CDKN2B-AS1: variants seen among roughly 807,000 people sequenced by gnomAD.
CDKN2B-AS1 encodes the protein CDKN2B antisense RNA 1 (non-protein coding).
At chr9:22,094,533 C>G (rs1432321220) in intron 4 of CDKN2B-AS1, among the ~76,000 whole-genome samples, 1 of 143,918 alleles carries the variant, frequency 6.9e-6, no homozygotes, top group Non-Finnish European at 1.5e-5. Context: ...ATTCTTTTTC[C>G]TCTAAACTTC....
At chr9:22,068,221 T>A (rs930875206) in intron 4 of CDKN2B-AS1, among the ~76,000 whole-genome samples, 2 of 152,168 alleles carry the variant, frequency 1.3e-5, no homozygotes, top group African/African-American at 4.8e-5. Context: ...CATACATACA[T>A]CTTTGTTCAC....
chr9:22,002,155 C>G (rs1369690244), intron 1 of CDKN2B-AS1, among the ~76,000 whole-genome samples: 3 of 151,980 alleles, frequency 2.0e-5, no homozygotes, highest in African/African-American at 7.2e-5. Context: ...TCTGTTAATA[C>G]TGAAAATCTA....
intron 4 of CDKN2B-AS1, among the ~76,000 whole-genome samples, chr9:22,108,466 C>T (rs1052296444): frequency 6.6e-6 from 1 of 152,206 alleles, no homozygotes; most frequent in Non-Finnish European, 1.5e-5. Flanking sequence ...ACTCTGCCTT[C>T]AGCTGTACCA....
At chr9:22,026,783 T>C (rs1168696404) in intron 1 of CDKN2B-AS1, among the ~76,000 whole-genome samples, 4 of 152,232 alleles carry the variant, frequency 2.6e-5, no homozygotes. Flanking sequence ...TGGGTCTCCA[T>C]GCATGCCTGA....
intron 4 of CDKN2B-AS1, among the ~76,000 whole-genome samples, chr9:22,091,239 A>G (rs1294835511): frequency 1.3e-5 from 2 of 152,158 alleles, no homozygotes; most frequent in South Asian, 2.1e-4. Context: ...GTCTTGTAGT[A>G]TAGTTTGAAG....
At chr9:22,085,765 A>C (rs1440971803) in intron 4 of CDKN2B-AS1, among the ~76,000 whole-genome samples, 1 of 150,252 alleles carries the variant, frequency 6.7e-6, no homozygotes, top group East Asian at 1.9e-4. Flanking sequence ...ATCTCAGGGT[A>C]TCTTGGAGTC....
At chr9:22,103,163 G>A (rs1825545132) in intron 4 of CDKN2B-AS1, among the ~76,000 whole-genome samples, 1 of 146,410 alleles carries the variant, frequency 6.8e-6, no homozygotes, top group South Asian at 2.1e-4. Context: ...GTGTGTGTGT[G>A]TGTGTGTGTG....
chr9:22,011,562 A>G (rs1821510728), intron 1 of CDKN2B-AS1, among the ~76,000 whole-genome samples: 1 of 152,236 alleles, frequency 6.6e-6, no homozygotes, highest in Middle Eastern at 3.4e-3. Flanking sequence ...TACCCTTTAT[A>G]CTACATAGTG....
At chr9:22,028,936 A>G (rs1390041443) in intron 1 of CDKN2B-AS1, among the ~76,000 whole-genome samples, 1 of 152,202 alleles carries the variant, frequency 6.6e-6, no homozygotes, top group Non-Finnish European at 1.5e-5. Context: ...CAGATTGATT[A>G]TGGTATAATA....
At chr9:22,055,151 CAAAT>C (rs1370465990) in intron 3 of CDKN2B-AS1, among the ~76,000 whole-genome samples, 1 of 152,078 alleles carries the variant, frequency 6.6e-6, no homozygotes, top group Non-Finnish European at 1.5e-5. Flanking sequence ...GTATAGTTAA[CAAAT>C]AAAAATTCTA....
chr9:22,070,346 G>A (rs1824239755), intron 4 of CDKN2B-AS1, among the ~76,000 whole-genome samples: 2 of 152,052 alleles, frequency 1.3e-5, no homozygotes, highest in Admixed American at 6.6e-5. Flanking sequence ...ATATATAATT[G>A]TATTATAAAT....
intron 4 of CDKN2B-AS1, among the ~76,000 whole-genome samples, chr9:22,084,937 C>T (rs2131334217): frequency 6.6e-6 from 1 of 152,180 alleles, no homozygotes; most frequent in East Asian, 1.9e-4. Context: ...TACTTAATCT[C>T]CATAAGTGAC....
intron 1 of CDKN2B-AS1, among the ~76,000 whole-genome samples, chr9:22,017,082 C>A (rs1051036457): frequency 1.3e-5 from 2 of 152,122 alleles, no homozygotes; most frequent in Non-Finnish European, 2.9e-5. Context: ...ATAATATTAA[C>A]TTTTTTTCAA....
chr9:22,052,393 A>G (rs1372489938), intron 3 of CDKN2B-AS1, among the ~76,000 whole-genome samples: 4 of 152,214 alleles, frequency 2.6e-5, no homozygotes, highest in Admixed American at 2.0e-4. Context: ...TTAAAAAAGG[A>G]CAATGATAAC....
intron 4 of CDKN2B-AS1, among the ~76,000 whole-genome samples, chr9:22,059,245 G>A (rs186250372): frequency 1.3e-5 from 2 of 152,292 alleles, no homozygotes; most frequent in Admixed American, 6.5e-5. Flanking sequence ...TTCTGCCTAT[G>A]AGCCTGTAAA....
intron 4 of CDKN2B-AS1, among the ~76,000 whole-genome samples, chr9:22,123,665 TAGA>T (rs777546484): frequency 5.9e-5 from 9 of 151,566 alleles, no homozygotes; most frequent in East Asian, 5.8e-4. Context: ...ATTGTTTAAC[TAGA>T]AGAAGAAGAC....
chr9:22,016,287 G>C (rs1483279431), intron 1 of CDKN2B-AS1, among the ~76,000 whole-genome samples: 18 of 152,120 alleles, frequency 1.2e-4, no homozygotes. Flanking sequence ...ACTGCTCAAT[G>C]AAATAAAAGA....
chr9:22,062,752 G>GT (rs201831373), intron 4 of CDKN2B-AS1, among the ~76,000 whole-genome samples: 4,013 of 149,052 alleles, frequency 0.027, 83 homozygotes, highest in Non-Finnish European at 0.037. Context: ...ATATTGTGTA[G>GT]TTTTTTTTTT....
At chr9:22,120,784 C>G (rs563984663) in intron 4 of CDKN2B-AS1, 85 of 36,274 alleles carry the variant, frequency 2.3e-3, no homozygotes, top group African/African-American at 0.01. Context: ...TTATATCCAT[C>G]ATTATCATCA....
Sources: gnomAD v4.1 joint callset for allele counts (sites outside exome capture counted in the v4.1 genomes callset) on GRCh38, gnomAD v4.1.1 for gene constraint, MANE v1.5 for transcripts, NCBI Gene and HGNC (gene_info 2026-07-23, HGNC 2026-07-21) for gene names.